Variants in PLD1 observed in about 807,000 individuals in gnomAD.
PLD1 encodes the protein phospholipase D1.
A neutral mutation model predicts 137.1 loss-of-function variants in PLD1; 112 were observed. That is an observed-to-expected ratio of 0.82 (90% confidence interval 0.70 to 0.96). The LOEUF is 0.96. PLD1 is among the 40% of genes least tolerant of loss of function. The pLI is 0.00. For synonymous variants in PLD1, 431 were observed against 454.7 expected (o/e 0.95, Z 0.66); for missense variants, 1,321 against 1,342.0 (o/e 0.98, Z 0.24).
intron 19 of PLD1, among the ~76,000 whole-genome samples, chr3:171,672,502 T>A (rs986485201): frequency 4.6e-5 from 7 of 152,194 alleles, no homozygotes; most frequent in Admixed American, 6.5e-5. Flanking sequence ...TTTATTTTTT[T>A]TTTTTGAGTC....
chr3:171,697,961 T>A (rs918809305), intron 12 of PLD1, among the ~76,000 whole-genome samples: 1 of 152,228 alleles, frequency 6.6e-6, no homozygotes, highest in African/African-American at 2.4e-5. Flanking sequence ...ACATATTGAT[T>A]GAAACCTAAA....
intron 23 of PLD1, among the ~76,000 whole-genome samples, chr3:171,635,892 T>C (rs1357336712): frequency 1.3e-5 from 2 of 151,474 alleles, no homozygotes; most frequent in Non-Finnish European, 2.9e-5. Flanking sequence ...TGTATAGTTT[T>C]AGTTTTTACA....
At chr3:171,794,232 G>A (rs1342051621) in intron 1 of PLD1, among the ~76,000 whole-genome samples, 1 of 151,652 alleles carries the variant, frequency 6.6e-6, no homozygotes, top group Non-Finnish European at 1.5e-5. Flanking sequence ...TTTTATTATA[G>A]TATACCATTA....
rs35101789 is a variant in PLD1, at chr3:171,730,646, C to CTTTTTTTTTTTT, written c.606+2786_606+2797dup. 9.0e-4 allele frequency among the ~76,000 whole-genome samples: 122 copies of CTTTTTTTTTTTT among 134,924 alleles called. 5 individuals carry two copies. Among genetic ancestry groups the CTTTTTTTTTTTT allele is most frequent in the African/African-American group, 2.3e-3 (79 of 34,826 alleles). 88.5% of individuals were successfully genotyped at this position (134,924 alleles called of 152,430 possible). On this transcript the variant is annotated intron_variant, in intron 6 of 26. Transcript: ENST00000351298. Reference sequence around the variant, plus strand: ...CACCTTTATAATAAATCTATCTCCACTTTTTTTTTTTTGGCAGAGTCTTCC... The same window carrying CTTTTTTTTTTTT: ...CACCTTTATAATAAATCTATCTCCACTTTTTTTTTTTTTTTTTTTTTTTTGGCAGAGTCTTCC...
chr3:171,787,662 G>T (rs938422928), intron 1 of PLD1, among the ~76,000 whole-genome samples: 1 of 152,148 alleles, frequency 6.6e-6, no homozygotes, highest in Non-Finnish European at 1.5e-5. Flanking sequence ...ATGGTATGGT[G>T]TGGTATGTGT....
In PLD1 at chr3:171,752,014, A is replaced by G. The variant is rs114557855; in HGVS notation, c.-31-13932T>C. On this transcript the variant is annotated intron_variant, in intron 1 of 26. Coordinates refer to ENST00000351298, the MANE Select transcript of PLD1 (RefSeq NM_002662.5). ...CGAGACTCCGTCTCAAAAAAAAAAA[A>G]AAAGAAAGAAAGAAAATTAGACAAC... Among the ~76,000 whole-genome samples, 1,342 of 152,256 alleles carry G rather than the reference A, an allele frequency of 8.8e-3. 27 individuals are homozygous for G. Among genetic ancestry groups the G allele is most frequent in the African/African-American group, 0.031 (1,283 of 41,554 alleles).
Position 171,620,465 on chromosome 3 carries a change from C to T in PLD1, c.2649G>A (p.Glu883=). The change falls in exon 24 of 27, where the codon GAG becomes GAA. Residue 883 remains glutamate (E), a synonymous_variant. Transcript: ENST00000351298. ...GCTCAGTTACTAGGTTTCCTTCGAG[C>T]TCTGCATGTGTTCTAAGACCACAGA... ...ISFCGLRTHA[E]LEGNLVTELI... 6.2e-7 allele frequency: 1 copy of T among 1,601,948 alleles called. No individual in the cohort carries two copies. Among genetic ancestry groups the T allele is most frequent in the South Asian group, 1.1e-5 (1 of 90,364 alleles).
chr3:171,607,259 A>G (rs1428624902), intron 25 of PLD1, among the ~76,000 whole-genome samples: 1 of 152,196 alleles, frequency 6.6e-6, no homozygotes, highest in African/African-American at 2.4e-5. Context: ...GACCCAAAGC[A>G]CAATTTTACT....
chr3:171,691,953 G>C (rs1293853384), intron 13 of PLD1, among the ~76,000 whole-genome samples: 2 of 152,140 alleles, frequency 1.3e-5, no homozygotes, highest in Non-Finnish European at 1.5e-5. Context: ...TTAAATCCTA[G>C]AGGAGATCTC....
rs751803941 is a variant in PLD1 at position 171,603,159 on chromosome 3, G to C, written c.3144C>G (p.Pro1048=). Residue 1048 remains proline, a synonymous_variant, in exon 27 of 27, where the codon CCC becomes CCG. Transcript: ENST00000351298. ...GGCTTTCTTCAGACAAGAAATAAAA[G>C]GGGAATTGCACCAAAAATCCACGGA... ...KKIRGFLVQF[P]FYFLSEESLL... 1 of 1,614,092 alleles carries C rather than the reference G, an allele frequency of 6.2e-7. No homozygotes were observed. Among genetic ancestry groups the C allele is most frequent in the Non-Finnish European group, 8.5e-7 (1 of 1,179,992 alleles).
chr3:171,671,554 C>T (rs569435711), intron 19 of PLD1, among the ~76,000 whole-genome samples: 9 of 152,290 alleles, frequency 5.9e-5, no homozygotes, highest in African/African-American at 2.2e-4. Context: ...TGTCCCCTTG[C>T]TCTCATTATC....
chr3:171,759,384 A>T (rs1243869269), intron 1 of PLD1, among the ~76,000 whole-genome samples: 1 of 152,170 alleles, frequency 6.6e-6, no homozygotes. Context: ...GAAGATACTA[A>T]TTTTTTTCCT....
Position 171,687,413 on chromosome 3 carries a change from G to A in PLD1, c.1711C>T (p.Leu571=), listed in dbSNP as rs1356548727. The change falls in exon 15 of 27, where the codon CTG becomes TTG. Residue 571 remains leucine (L), a synonymous_variant. Coordinates refer to ENST00000351298, the MANE Select transcript of PLD1 (RefSeq NM_002662.5). ...CTGCTGATGCTATCTGCGTCGTGCA[G>A]GTGGTGCCTGTGGAGCTGCTTGTAG... The part of the protein sequence containing the change: ...SLYKQLHRHH[L]HDADSISSID... The A allele has an allele frequency of 6.2e-7, 1 of 1,614,064 alleles. No homozygotes were observed. Among genetic ancestry groups the A allele is most frequent in the East Asian group, 2.2e-5 (1 of 44,888 alleles).
intron 16 of PLD1, among the ~76,000 whole-genome samples, chr3:171,682,634 C>A (rs150486985): frequency 2.7e-4 from 41 of 152,304 alleles, no homozygotes; most frequent in African/African-American, 9.4e-4. Context: ...TAGAGCCTTG[C>A]TCTTTAAACT....
rs897746756 is a variant in PLD1, at chr3:171,735,400, T to G, written c.434+92A>C. ...ATCCTCCTGCCTCAGCCTCCCAAAGTGGTGAGATTACAGGTGTGAGCTACC... is the reference window on the plus strand; with the variant it reads ...ATCCTCCTGCCTCAGCCTCCCAAAGGGGTGAGATTACAGGTGTGAGCTACC... On this transcript the variant is annotated intron_variant, in intron 4 of 26. Coordinates refer to ENST00000351298, the MANE Select transcript of PLD1 (RefSeq NM_002662.5). 15 of 1,038,934 alleles carry G rather than the reference T, an allele frequency of 1.4e-5. No individual in the cohort carries two copies. The African/African-American group carries it at 2.2e-4, about 15-fold the overall frequency. The allele number at this position is 1,038,934 out of a possible 1,614,324, so 64.4% of individuals were successfully genotyped here.
Position 171,612,142 on chromosome 3 carries a change from A to G in PLD1, c.2882+137T>C. The G allele has an allele frequency of 1.5e-6, 1 of 678,500 alleles. No homozygotes were observed. Among genetic ancestry groups the G allele is most frequent in the Admixed American group, 2.7e-5 (1 of 37,062 alleles). 42.0% of individuals were successfully genotyped at this position (678,500 alleles called of 1,614,324 possible). A position where few individuals can be genotyped will look rare whatever the true frequency, so the allele number is the denominator to read the frequency against. ...TCATTTCGCATACTACTGGTGGTAC[A>G]TATCCTATATTCTGGGACACACTGT... On this transcript the variant is annotated intron_variant, in intron 25 of 26. Transcript: ENST00000351298. This position sits in a 1 kb window ranked among gnomAD's most constrained non-coding sequence, Gnocchi z 4.1.
At chr3:171,701,211 T>G (rs1008249421) in intron 11 of PLD1, among the ~76,000 whole-genome samples, 5 of 152,248 alleles carry the variant, frequency 3.3e-5, no homozygotes. Context: ...TGGAAGAGTT[T>G]GGACAGTGTA....
chr3:171,657,860 G>A (rs1177813975), intron 21 of PLD1, among the ~76,000 whole-genome samples: 1 of 151,946 alleles, frequency 6.6e-6, no homozygotes, highest in Non-Finnish European at 1.5e-5. Flanking sequence ...ACACCAGCAA[G>A]AAAGTAAAAA....
chr3:171,747,288 G>C (rs1034336306), intron 1 of PLD1, among the ~76,000 whole-genome samples: 1 of 152,206 alleles, frequency 6.6e-6, no homozygotes, highest in African/African-American at 2.4e-5. Context: ...AGGTTAAGTT[G>C]CTGGCAGATG....
Sources: gnomAD v4.1 joint callset for allele counts (sites outside exome capture counted in the v4.1 genomes callset) on GRCh38, gnomAD v4.1.1 for gene constraint, Gnocchi (gnomAD v3.1) non-coding constraint, MANE v1.5 for transcripts, NCBI Gene and HGNC (gene_info 2026-07-23, HGNC 2026-07-21) for gene names.